Variants in NUP62 observed in about 807,000 individuals in gnomAD.
NUP62 encodes the protein nuclear pore glycoprotein p62.
For synonymous variants in NUP62, 305 were observed against 303.4 expected (o/e 1.01, Z -0.05); for missense variants, 647 against 689.4 (o/e 0.94, Z 0.69).
At chr19:49,911,903 C>T (rs1421166698) in intron 2 of NUP62, among the ~76,000 whole-genome samples, 3 of 152,218 alleles carry the variant, frequency 2.0e-5, no homozygotes, top group Non-Finnish European at 4.4e-5. Flanking sequence ...GGCCTACATC[C>T]ATTCCTCCCG....
At chr19:49,922,658 G>T (rs185443602) in intron 2 of NUP62, among the ~76,000 whole-genome samples, 2 of 151,800 alleles carry the variant, frequency 1.3e-5, no homozygotes, top group African/African-American at 4.8e-5. Context: ...GTTTGCTGGG[G>T]TTTTCCAGGT....
rs779725554 is a variant in NUP62, at chr19:49,909,551, G to T, written c.257C>A (p.Thr86Asn). Residue 86 changes from threonine (T) to asparagine (N), a missense_variant, in exon 3 of 3, where the codon ACT (threonine) becomes AAT (asparagine). Thr to Asn is a moderately conservative substitution (Grantham distance 65). Transcript: ENST00000352066. ...FGTATLASGG[T>N]GFSLGIGASK... ...AGCACCGATCCCCAAAGAAAATCCA[G>T]TTCCCCCCGAAGCAAGAGTCGCTGT... The T allele has an allele frequency of 6.2e-7, 1 of 1,614,206 alleles. No homozygotes were observed. The highest frequency in any genetic ancestry group is 8.5e-7 in the Non-Finnish European group (1 of 1,180,040).
In NUP62 at chr19:49,909,821, G is replaced by A. The variant is rs2075417561; in HGVS notation, c.-14C>T. 1 of 1,613,344 alleles carries A rather than the reference G, an allele frequency of 6.2e-7. No homozygotes were observed. On this transcript the variant is annotated 5_prime_UTR_variant, in exon 3 of 3. Coordinates refer to ENST00000352066, the MANE Select transcript of NUP62 (RefSeq NM_016553.5). ...AAACCCGCTCATGGCTCCGGACTCT[G>A]GTGGCGGCAGCTACTCTGGCTCCCA...
chr19:49,923,115 G>A (rs1206986453), intron 2 of NUP62, among the ~76,000 whole-genome samples: 1 of 152,120 alleles, frequency 6.6e-6, no homozygotes, highest in African/African-American at 2.4e-5. Flanking sequence ...TCTACTGAAG[G>A]GACAAGGGCA....
At position 49,927,776 on chromosome 19, in the gene NUP62, CA is replaced by C. The variant is rs2122791970; in HGVS notation, c.-161del. The C allele has an allele frequency of 6.6e-6, 1 of 152,368 alleles. No homozygotes were observed. Among genetic ancestry groups the C allele is most frequent in the South Asian group, 2.1e-4 (1 of 4,822 alleles). The allele number at this position is 152,368 out of a possible 1,614,324, so 9.4% of individuals were successfully genotyped here. ...CACAGAAGGGATGAAGGTTGAACTC[CA>C]GCTGGGATGTCCTGATGTGGATGGG... On this transcript the variant is annotated 5_prime_UTR_variant, in exon 2 of 3. Coordinates refer to ENST00000352066, the MANE Select transcript of NUP62 (RefSeq NM_016553.5).
Position 49,923,270 on chromosome 19 carries a change from G to A in NUP62, c.-78+4424C>T, listed in dbSNP as rs3786667. On this transcript the variant is annotated intron_variant, in intron 2 of 2. Coordinates refer to ENST00000352066, the MANE Select transcript of NUP62 (RefSeq NM_016553.5). ...TGCCAGGACTCCCACCTTCAACCCC[G>A]GCACCCCTGGCCTGCGTGACCCAGT... 3.6e-3 allele frequency among the ~76,000 whole-genome samples: 548 copies of A among 152,224 alleles called. 12 individuals carry two copies. The highest frequency in any genetic ancestry group is 0.036 in the South Asian group (173 of 4,820).
At chr19:49,920,601 T>C (rs982547863) in intron 2 of NUP62, among the ~76,000 whole-genome samples, 30 of 152,226 alleles carry the variant, frequency 2.0e-4, no homozygotes, top group Admixed American at 1.7e-3. Context: ...TGGAGGCGGA[T>C]AGGCGTCAGG....
chr19:49,907,995 G>A lies in NUP62; in HGVS notation c.*244C>T, dbSNP rs2075361559. Reference sequence around the variant, plus strand: ...GTGGGTGGTCGCAGTAGGTGAAAAGGGGCCAAAGATACTCAAATGAAAGCC... The same window carrying A: ...GTGGGTGGTCGCAGTAGGTGAAAAGAGGCCAAAGATACTCAAATGAAAGCC... On this transcript the variant is annotated 3_prime_UTR_variant, in exon 3 of 3. Coordinates refer to ENST00000352066, the MANE Select transcript of NUP62 (RefSeq NM_016553.5). 3 of 753,938 alleles carry A rather than the reference G, an allele frequency of 4.0e-6. No homozygotes were observed. The highest frequency in any genetic ancestry group is 1.8e-5 in the African/African-American group (1 of 56,874). 46.7% of individuals were successfully genotyped at this position (753,938 alleles called of 1,614,324 possible).
intron 2 of NUP62, among the ~76,000 whole-genome samples, chr19:49,910,695 A>G (rs1194176923): frequency 3.0e-5 from 4 of 132,154 alleles, no homozygotes; most frequent in Non-Finnish European, 6.4e-5. Context: ...ACGGGAGACC[A>G]TGAGCCCCAC....
rs748658204 is a variant in NUP62, at chr19:49,909,777, C to A, written c.31G>T (p.Ala11Ser). MSGFNFGGTGAPTGGFTFGTA... is the reference protein window; with the variant it reads MSGFNFGGTGSPTGGFTFGTA... ...CCAAACGTGAACCCGCCTGTAGGGGCCCCAGTGCCTCCAAAATTAAACCCG... is the reference window on the plus strand; with the variant it reads ...CCAAACGTGAACCCGCCTGTAGGGGACCCAGTGCCTCCAAAATTAAACCCG... The change falls in exon 3 of 3, where the codon GCC (alanine) becomes TCC (serine). Residue 11 changes from alanine (A) to serine (S), a missense_variant. Coordinates refer to ENST00000352066, the MANE Select transcript of NUP62 (RefSeq NM_016553.5). 1.9e-6 allele frequency: 3 copies of A among 1,614,020 alleles called. No individual in the cohort carries two copies. Among genetic ancestry groups the A allele is most frequent in the Non-Finnish European group, 2.5e-6 (3 of 1,180,036 alleles).
chr19:49,918,682 G>A (rs1195468057), intron 2 of NUP62: 3 of 152,264 alleles, frequency 2.0e-5, no homozygotes. Flanking sequence ...CCTCGGGGGA[G>A]AAGCTGTGAT....
rs973204115 is a variant in NUP62 at position 49,919,932 on chromosome 19, AT to A, written c.-78+7761del. On this transcript the variant is annotated intron_variant, in intron 2 of 2. Coordinates refer to ENST00000352066, the MANE Select transcript of NUP62 (RefSeq NM_016553.5). ...CCTCTACCTACTGCATTAAAAAAAA[AT>A]TTTTTTTTTTCTAAGACAAGGTCTC... Among the ~76,000 whole-genome samples the A allele has an allele frequency of 8.7e-5, 13 of 149,960 alleles. 1 individual carries two copies. Among genetic ancestry groups the A allele is most frequent in the Non-Finnish European group, 1.0e-4 (7 of 67,354 alleles).
intron 2 of NUP62, among the ~76,000 whole-genome samples, chr19:49,915,455 AG>A (rs1311582539): frequency 6.6e-6 from 1 of 152,204 alleles, no homozygotes; most frequent in African/African-American, 2.4e-5. Flanking sequence ...AGAAGGACAT[AG>A]CCTCTCCCCT....
chr19:49,920,781 G>A (rs750651990), intron 2 of NUP62, among the ~76,000 whole-genome samples: 5 of 152,246 alleles, frequency 3.3e-5, no homozygotes, highest in Admixed American at 1.3e-4. Context: ...GGCCTGGAGA[G>A]GGACTGAGGC....
Position 49,907,978 on chromosome 19 carries a change from T to A in NUP62, c.*261A>T. On this transcript the variant is annotated 3_prime_UTR_variant, in exon 3 of 3. Transcript: ENST00000352066. ...GGCTGAGCCAGGATGAGGTGGGTGG[T>A]CGCAGTAGGTGAAAAGGGGCCAAAG... 1.6e-6 allele frequency: 1 copy of A among 634,674 alleles called. No individual in the cohort carries two copies. Among genetic ancestry groups the A allele is most frequent in the East Asian group, 3.1e-5 (1 of 32,122 alleles). 39.3% of individuals were successfully genotyped at this position (634,674 alleles called of 1,614,324 possible).
chr19:49,918,237 C>T (rs1033563963), intron 2 of NUP62, among the ~76,000 whole-genome samples: 2 of 152,012 alleles, frequency 1.3e-5, no homozygotes, highest in African/African-American at 2.4e-5. Flanking sequence ...AGCTAATATT[C>T]GATTTTTTGT....
chr19:49,923,217 A>G (rs2075806451), intron 2 of NUP62, among the ~76,000 whole-genome samples: 1 of 152,038 alleles, frequency 6.6e-6, no homozygotes, highest in Admixed American at 6.6e-5. Context: ...TCCCCAACTG[A>G]GCTGGCCTTG....
intron 2 of NUP62, among the ~76,000 whole-genome samples, chr19:49,912,493 C>A (rs1316254793): frequency 6.6e-6 from 1 of 152,076 alleles, no homozygotes; most frequent in Admixed American, 6.5e-5. Flanking sequence ...TATTAAGTGC[C>A]ACATTGGTTT....
At chr19:49,925,465 T>A (rs12971864) in intron 2 of NUP62, among the ~76,000 whole-genome samples, 34,419 of 134,202 alleles carry the variant, frequency 0.26, 4,278 homozygotes, top group African/African-American at 0.3. Flanking sequence ...AAAAAAAAAA[T>A]AGCATCCTAC....
Sources: gnomAD v4.1 joint callset for allele counts (sites outside exome capture counted in the v4.1 genomes callset) on GRCh38, gnomAD v4.1.1 for gene constraint, MANE v1.5 for transcripts, NCBI Gene and HGNC (gene_info 2026-07-23, HGNC 2026-07-21) for gene names.